The following STOM variants were observed in gnomAD, a reference collection of about 807,000 sequenced individuals.
The protein encoded by STOM is erythrocyte band 7 integral membrane protein.
STOM carries 25 observed loss-of-function variants against 30.6 expected under a neutral mutation model. The ratio of observed to expected loss-of-function variants is 0.82; its 90% CI spans 0.60 to 1.14. The LOEUF (loss-of-function observed/expected upper bound fraction) is 1.14, where lower values mean the gene tolerates loss of function less well. STOM is among the 50% of genes most tolerant of loss of function. STOM has a pLI of 0.00. For missense variants in STOM, 292 were observed against 365.2 expected (o/e 0.80, Z 1.63); for synonymous variants, 118 against 130.8 (o/e 0.90, Z 0.67).
chr9:121,366,705 C>A (rs2064506818), intron 1 of STOM, among the ~76,000 whole-genome samples: 2 of 152,120 alleles, frequency 1.3e-5, no homozygotes, highest in East Asian at 3.9e-4. Flanking sequence ...CTGCCTGCTT[C>A]CTTTTTCTTT....
chr9:121,342,583 A>G (rs1171251251), intron 6 of STOM, among the ~76,000 whole-genome samples: 2 of 152,216 alleles, frequency 1.3e-5, no homozygotes, highest in African/African-American at 4.8e-5. Context: ...TAAGAAGAAG[A>G]AGAAAAAAAC....
chr9:121,358,849 T>G (rs2064422778), intron 1 of STOM, among the ~76,000 whole-genome samples: 1 of 152,218 alleles, frequency 6.6e-6, no homozygotes, highest in Non-Finnish European at 1.5e-5. Flanking sequence ...ATACTATCAA[T>G]TTTATCTTCT....
chr9:121,364,171 T>A (rs937317208), intron 1 of STOM, among the ~76,000 whole-genome samples: 15 of 152,144 alleles, frequency 9.9e-5, no homozygotes, highest in Non-Finnish European at 1.9e-4. Context: ...GAGGCAGAGT[T>A]TACCACATGG....
chr9:121,366,355 G>A (rs890550537), intron 1 of STOM: 2 of 681,064 alleles, frequency 2.9e-6, no homozygotes, highest in Admixed American at 6.3e-5. Flanking sequence ...ATCAACAAGT[G>A]TGTGTCAATA....
chr9:121,362,176 T>A (rs2064459701), intron 1 of STOM, among the ~76,000 whole-genome samples: 2 of 152,210 alleles, frequency 1.3e-5, no homozygotes, highest in African/African-American at 4.8e-5. Flanking sequence ...GAAACTCACA[T>A]ACATTTTCTA....
At chr9:121,355,283 G>A (rs2064377169) in intron 2 of STOM, among the ~76,000 whole-genome samples, 1 of 148,806 alleles carries the variant, frequency 6.7e-6, no homozygotes, top group Admixed American at 6.7e-5. Flanking sequence ...AGCTACACGG[G>A]AGGCTGAGGC....
At chr9:121,354,892 A>C (rs1251233768) in intron 2 of STOM, among the ~76,000 whole-genome samples, 1 of 152,152 alleles carries the variant, frequency 6.6e-6, no homozygotes, top group Non-Finnish European at 1.5e-5. Context: ...TCACTGTATA[A>C]ATTTAGGAAG....
chr9:121,354,498 C>A (rs41316974), intron 3 of STOM, 103 bp downstream of exon 3: 55,839 of 871,834 alleles, frequency 0.064, 3,158 homozygotes, highest in African/African-American at 0.23. Flanking sequence ...CCAGCCTGGG[C>A]GACGGAATGA....
chr9:121,369,707 G>T (rs1256011544), intron 1 of STOM, among the ~76,000 whole-genome samples: 21 of 152,288 alleles, frequency 1.4e-4, no homozygotes, highest in Admixed American at 9.8e-4. Context: ...GCCAGGGCTG[G>T]GTGGAGGAGG....
In STOM at chr9:121,348,997, T is replaced by C. The variant is rs2064314289; in HGVS notation, c.525+123A>G. Reference sequence around the variant, plus strand: ...CTGCCAAATTTGAAAAATTTTACTATGAAGAAAAAAAAACGGTCACAGACC... The same window carrying C: ...CTGCCAAATTTGAAAAATTTTACTACGAAGAAAAAAAAACGGTCACAGACC... On this transcript the variant is annotated intron_variant, in intron 5 of 6. Transcript: ENST00000286713. The C allele has an allele frequency of 3.5e-6, 4 of 1,156,678 alleles. No individual in the cohort carries two copies. The South Asian group carries it at 4.9e-5, about 14-fold the overall frequency. The allele number at this position is 1,156,678 out of a possible 1,614,324, so 71.7% of individuals were successfully genotyped here.
chr9:121,346,222 T>TG (rs2064288344), intron 6 of STOM, among the ~76,000 whole-genome samples: 1 of 152,190 alleles, frequency 6.6e-6, no homozygotes, highest in Non-Finnish European at 1.5e-5. Context: ...ACTCCTCACC[T>TG]CAGGTGATCC....
chr9:121,352,013 T>C (rs2064344026), intron 4 of STOM, among the ~76,000 whole-genome samples: 1 of 152,190 alleles, frequency 6.6e-6, no homozygotes, highest in Non-Finnish European at 1.5e-5. Context: ...GTAAAAATGT[T>C]GATAGTAATA....
intron 1 of STOM, chr9:121,366,056 T>G: frequency 1.1e-6 from 1 of 944,102 alleles, no homozygotes; most frequent in South Asian, 4.9e-5. Flanking sequence ...TAGGGTGATC[T>G]CAACCTAAAT....
chr9:121,354,716 A>T (rs1450672540), intron 2 of STOM, 43 bp from the exon 3 acceptor site: 5 of 1,424,446 alleles, frequency 3.5e-6, no homozygotes, highest in Non-Finnish European at 4.9e-6. Context: ...GAAGAGTACA[A>T]ATATATACAT....
Position 121,339,968 on chromosome 9 carries a change from C to T in STOM, c.*1234G>A, listed in dbSNP as rs1019592253. The T allele has an allele frequency of 9.9e-7, 1 of 1,014,834 alleles. No homozygotes were observed. The highest frequency in any genetic ancestry group is 1.7e-5 in the African/African-American group (1 of 58,384). The allele number at this position is 1,014,834 out of a possible 1,614,324, so 62.9% of individuals were successfully genotyped here. Reference sequence around the variant, plus strand: ...AATCAACATATTTCACAGTGTACCACAGTTAACAGCATGCAGATAGTAAAA... The same window carrying T: ...AATCAACATATTTCACAGTGTACCATAGTTAACAGCATGCAGATAGTAAAA... On this transcript the variant is annotated 3_prime_UTR_variant, in exon 7 of 7. Coordinates refer to ENST00000286713, the MANE Select transcript of STOM (RefSeq NM_004099.6).
In STOM at chr9:121,354,485, A is replaced by G. The variant is rs1047531183; in HGVS notation, c.238+116T>C. On this transcript the variant is annotated intron_variant, in intron 3 of 6. Coordinates refer to ENST00000286713, the MANE Select transcript of STOM (RefSeq NM_004099.6). ...CAGTGAGACATGAGCATGCCACTGT[A>G]CTCCAGCCTGGGCGACGGAATGAAA... 5 of 733,374 alleles carry G rather than the reference A, an allele frequency of 6.8e-6. No homozygotes were observed. The African/African-American group carries it at 7.2e-5, about 11-fold the overall frequency. 45.4% of individuals were successfully genotyped at this position (733,374 alleles called of 1,614,324 possible).
chr9:121,347,742 C>T (rs528046093), intron 6 of STOM, among the ~76,000 whole-genome samples: 3 of 152,252 alleles, frequency 2.0e-5, no homozygotes, highest in South Asian at 2.1e-4. Context: ...AAAAGCAGAG[C>T]GCAGAACAAC....
intron 6 of STOM, among the ~76,000 whole-genome samples, chr9:121,343,629 G>T (rs1188970202): frequency 6.6e-6 from 1 of 152,228 alleles, no homozygotes; most frequent in African/African-American, 2.4e-5. Flanking sequence ...AGAATATTTT[G>T]GGCAGAACAC....
chr9:121,348,146 T>A lies in STOM; in HGVS notation c.529A>T (p.Thr177Ser), dbSNP rs546394383. 9.8e-5 allele frequency: 158 copies of A among 1,613,872 alleles called. No individual in the cohort carries two copies. In the South Asian group the frequency reaches 1.7e-3, roughly 17 times the overall value. The change falls in exon 6 of 7, where the codon ACT becomes TCT. Residue 177 changes from threonine to serine, a missense_variant. Coordinates refer to ENST00000286713, the MANE Select transcript of STOM (RefSeq NM_004099.6). ...CAGGCATCAGTGGCATCATCCAGAG[T>A]AGACTGTTAGGAAGAGAGAAGGCAA... ...REEIAHNMQS[T>S]LDDATDAWGI...
Sources: gnomAD v4.1 joint callset for allele counts (sites outside exome capture counted in the v4.1 genomes callset) on GRCh38, gnomAD v4.1.1 for gene constraint, MANE v1.5 for transcripts, NCBI Gene and HGNC (gene_info 2026-07-23, HGNC 2026-07-21) for gene names.